MACROD2: variants seen among roughly 807,000 people sequenced by gnomAD.
The protein encoded by MACROD2 is ADP-ribose glycohydrolase MACROD2.
Under a neutral mutation model 70.4 loss-of-function variants are expected in MACROD2, and 36 were observed. The ratio of observed to expected loss-of-function variants is 0.51; its 90% CI spans 0.39 to 0.68. The LOEUF (loss-of-function observed/expected upper bound fraction) is 0.68, where lower values mean the gene tolerates loss of function less well. Among genes scored for constraint, MACROD2 ranks in the 30% least tolerant of loss-of-function variants. The pLI, the probability that MACROD2 is intolerant of heterozygous loss-of-function variation, is 0.00. For synonymous variants in MACROD2, 172 were observed against 178.8 expected (o/e 0.96, Z 0.30); for missense variants, 496 against 538.4 (o/e 0.92, Z 0.78).
intron 8 of MACROD2, among the ~76,000 whole-genome samples, chr20:15,717,948 T>C (rs1257491095): frequency 6.6e-6 from 1 of 151,904 alleles, no homozygotes; most frequent in African/African-American, 2.4e-5. Flanking sequence ...TAGTGGAAGG[T>C]TTTTGATATT....
intron 5 of MACROD2, among the ~76,000 whole-genome samples, chr20:14,942,120 C>T (rs750402726): frequency 1.8e-4 from 28 of 152,118 alleles, no homozygotes; most frequent in Middle Eastern, 3.4e-3. Flanking sequence ...CTTCTGTAGA[C>T]ACTCTAACAA....
chr20:14,668,872 T>C (rs995633063), intron 4 of MACROD2, among the ~76,000 whole-genome samples: 1 of 152,132 alleles, frequency 6.6e-6, no homozygotes, highest in Admixed American at 6.6e-5. Context: ...TAAAATTTCA[T>C]CAACATTATG....
chr20:15,626,972 AAGAG>A (rs1404493844), intron 8 of MACROD2, among the ~76,000 whole-genome samples: 3 of 152,176 alleles, frequency 2.0e-5, no homozygotes, highest in African/African-American at 7.2e-5. Context: ...AGAGTCATGA[AAGAG>A]AGAAGAAGAG....
chr20:14,264,031 C>G (rs1024304423), intron 3 of MACROD2, among the ~76,000 whole-genome samples: 3 of 144,728 alleles, frequency 2.1e-5, no homozygotes, highest in Non-Finnish European at 4.5e-5. Context: ...ACACACAACA[C>G]AAGTGAAGGA....
intron 2 of MACROD2, among the ~76,000 whole-genome samples, chr20:14,081,056 C>G (rs2053987597): frequency 6.6e-6 from 1 of 152,228 alleles, no homozygotes; most frequent in Non-Finnish European, 1.5e-5. Context: ...CCCATTCTTG[C>G]AATACCTGCG....
At chr20:15,810,021 C>A (rs967892865) in intron 8 of MACROD2, among the ~76,000 whole-genome samples, 1 of 133,662 alleles carries the variant, frequency 7.5e-6, no homozygotes, top group East Asian at 2.6e-4. Context: ...CCCCTCCCCC[C>A]ACCCCACAAC....
rs1241839321 is a variant in MACROD2 at position 14,690,072 on chromosome 20, C to T, written c.418+5113C>T. ...AAAATTTACTCTTAATGGAGTTTCT[C>T]CTAAGGAGAAAAAAAAATAAAAATA... On this transcript the variant is annotated intron_variant, in intron 5 of 17. Transcript: ENST00000684519. 1.5e-4 allele frequency among the ~76,000 whole-genome samples: 9 copies of T among 61,736 alleles called. No individual in the cohort carries two copies. In the Admixed American group the frequency reaches 1.9e-3, roughly 13 times the overall value. The allele number at this position is 61,736 out of a possible 152,430, so 40.5% of individuals were successfully genotyped here.
At chr20:14,600,327 C>CATATATATAT (rs769273379) in intron 4 of MACROD2, among the ~76,000 whole-genome samples, 10 of 128,744 alleles carry the variant, frequency 7.8e-5, no homozygotes, top group South Asian at 3.0e-4. Context: ...TATGCAGCTA[C>CATATATATAT]ATATATATAT....
intron 6 of MACROD2, among the ~76,000 whole-genome samples, chr20:15,416,457 A>T (rs747483222): frequency 1.3e-5 from 2 of 152,196 alleles, no homozygotes; most frequent in Non-Finnish European, 2.9e-5. Context: ...TACGTATTGA[A>T]TCAAGCTGCA....
chr20:14,602,915 C>T (rs1982585683), intron 4 of MACROD2, among the ~76,000 whole-genome samples: 1 of 152,102 alleles, frequency 6.6e-6, no homozygotes, highest in African/African-American at 2.4e-5. Flanking sequence ...TCCCTCTGAC[C>T]TAATGGGAAT....
intron 3 of MACROD2, among the ~76,000 whole-genome samples, chr20:14,394,262 T>A (rs190080459): frequency 1.4e-4 from 21 of 152,294 alleles, no homozygotes; most frequent in African/African-American, 4.8e-4. Context: ...TTGCTCTCCA[T>A]ATATTTAGAT....
chr20:14,510,284 A>G (rs2085014993), intron 4 of MACROD2, among the ~76,000 whole-genome samples: 1 of 151,948 alleles, frequency 6.6e-6, no homozygotes, highest in African/African-American at 2.4e-5. Context: ...ATTGAAAAGA[A>G]AAATGTCTCT....
At chr20:15,314,170 T>G (rs2077783892) in intron 6 of MACROD2, among the ~76,000 whole-genome samples, 1 of 152,190 alleles carries the variant, frequency 6.6e-6, no homozygotes, top group Non-Finnish European at 1.5e-5. Context: ...AAGGGCCTGT[T>G]GCTTTTGGAA....
chr20:15,753,832 C>T (rs1162952842), intron 8 of MACROD2, among the ~76,000 whole-genome samples: 1 of 152,126 alleles, frequency 6.6e-6, no homozygotes, highest in East Asian at 1.9e-4. Context: ...GATGGTAGCT[C>T]ATCGTGCTTT....
chr20:15,026,782 C>T (rs1353111507), intron 5 of MACROD2, among the ~76,000 whole-genome samples: 1 of 152,044 alleles, frequency 6.6e-6, no homozygotes, highest in Admixed American at 6.6e-5. Flanking sequence ...CCAATAAGAA[C>T]ATGCCAATAC....
chr20:13,996,178 C>T (rs1014976656), intron 1 of MACROD2: 4 of 259,134 alleles, frequency 1.5e-5, no homozygotes, highest in Non-Finnish European at 2.9e-5. Flanking sequence ...TTGGGCACTG[C>T]CGGCCTGGGT....
intron 5 of MACROD2, among the ~76,000 whole-genome samples, chr20:15,190,248 G>A (rs1255763197): frequency 2.0e-5 from 3 of 152,096 alleles, no homozygotes; most frequent in African/African-American, 7.2e-5. Context: ...ATCTTATGGT[G>A]CAAGCTACCT....
chr20:14,554,061 C>T (rs145510972), intron 4 of MACROD2, among the ~76,000 whole-genome samples: 1 of 152,198 alleles, frequency 6.6e-6, no homozygotes, highest in East Asian at 1.9e-4. Flanking sequence ...CCTTCATTTG[C>T]CAGCTTAATA....
At chr20:15,467,125 T>C (rs571112126) in intron 7 of MACROD2, among the ~76,000 whole-genome samples, 3 of 152,330 alleles carry the variant, frequency 2.0e-5, no homozygotes, top group African/African-American at 7.2e-5. Context: ...CCTGCTCTGC[T>C]GAAGATCAGG....
Sources: gnomAD v4.1 joint callset for allele counts (sites outside exome capture counted in the v4.1 genomes callset) on GRCh38, gnomAD v4.1.1 for gene constraint, MANE v1.5 for transcripts, NCBI Gene and HGNC (gene_info 2026-07-23, HGNC 2026-07-21) for gene names.